Variants in PDE10A observed in about 807,000 individuals in gnomAD.
PDE10A encodes the protein cAMP and cAMP-inhibited cGMP 3',5'-cyclic phosphodiesterase 10A.
In PDE10A, 39 loss-of-function variants were observed where a neutral mutation model predicts 97.7. The observed-to-expected ratio is 0.40, with a 90% CI of 0.31 to 0.52. The LOEUF (loss-of-function observed/expected upper bound fraction) is 0.52. PDE10A is among the 20% of genes least tolerant of loss of function. The pLI, the probability that PDE10A is intolerant of heterozygous loss-of-function variation, is 0.56. For missense variants in PDE10A, 731 were observed against 1,047.8 expected (o/e 0.70, Z 4.17); for synonymous variants, 371 against 376.8 (o/e 0.98, Z 0.18).
Position 165,455,592 on chromosome 6 carries a change from C to T in PDE10A, c.1024-5230G>A, listed in dbSNP as rs535128845. 5.3e-5 allele frequency among the ~76,000 whole-genome samples: 8 copies of T among 152,350 alleles called. No homozygotes were observed. In the South Asian group the frequency reaches 1.7e-3, roughly 32 times the overall value. On this transcript the variant is annotated intron_variant, in intron 3 of 21. Transcript: ENST00000539869. The stretch of plus-strand genomic sequence containing the variant: ...AAAACTACTAACTGCTACTATTAGG[C>T]TTTTACCTGTGGTAGCCACTCCCTG...
intron 2 of PDE10A, 81 bp downstream of exon 2, chr6:165,543,359 C>A: frequency 8.2e-7 from 1 of 1,217,918 alleles, no homozygotes; most frequent in Non-Finnish European, 1.2e-6. Context: ...ATATTTCACA[C>A]TCTAGAATAT....
chr6:165,509,382 A>C (rs1377986173), intron 2 of PDE10A, among the ~76,000 whole-genome samples: 1 of 152,026 alleles, frequency 6.6e-6, no homozygotes, highest in Non-Finnish European at 1.5e-5. Flanking sequence ...GTCGAAAATC[A>C]GTTGGCTATA....
At chr6:165,829,511 C>T (rs979649675) in intron 1 of PDE10A, among the ~76,000 whole-genome samples, 6 of 152,164 alleles carry the variant, frequency 3.9e-5, no homozygotes, top group Non-Finnish European at 5.9e-5. Context: ...TAAGATGAGG[C>T]CCCCATCCTG....
rs575941018 is a variant in PDE10A at position 165,695,352 on chromosome 6, G to A, written c.-614-151784C>T. Among the ~76,000 whole-genome samples, 12 of 152,344 alleles carry A rather than the reference G, an allele frequency of 7.9e-5. No homozygotes were observed. The East Asian group carries it at 2.3e-3, about 29-fold the overall frequency. ...AATCTGGTAGGAATGGTGAGAGTCT[G>A]TGCTATTTGAGCTAAGAATGCACCT... On this transcript the variant is annotated intron_variant, in intron 1 of 19. Coordinates refer to the PDE10A transcript ENST00000366882.
chr6:165,678,215 G>GTC (rs367547581), intron 1 of PDE10A, among the ~76,000 whole-genome samples: 14 of 119,316 alleles, frequency 1.2e-4, no homozygotes, highest in Non-Finnish European at 2.1e-4. Context: ...GTGTCTGTGT[G>GTC]TGTATATGTG....
At chr6:165,549,365 C>A (rs1286162528) in intron 1 of PDE10A, among the ~76,000 whole-genome samples, 1 of 152,162 alleles carries the variant, frequency 6.6e-6, no homozygotes. Flanking sequence ...CTCTGTGTCA[C>A]CCAGGCTGGA....
chr6:165,863,412 T>C (rs1780958942), intron 1 of PDE10A, among the ~76,000 whole-genome samples: 1 of 152,216 alleles, frequency 6.6e-6, no homozygotes, highest in Non-Finnish European at 1.5e-5. Context: ...ATGTCATCAC[T>C]AGAAAGAAGC....
chr6:165,516,433 C>T (rs62443790), intron 2 of PDE10A, among the ~76,000 whole-genome samples: 26,391 of 151,938 alleles, frequency 0.17, 3,215 homozygotes, highest in African/African-American at 0.35. Flanking sequence ...CTCAAAGATA[C>T]GCGCACATCA....
intron 1 of PDE10A, among the ~76,000 whole-genome samples, chr6:165,722,881 T>TACAC (rs139427743): frequency 0.013 from 1,841 of 145,776 alleles, 22 homozygotes; most frequent in Admixed American, 0.029. Context: ...TATATATATA[T>TACAC]ATACACACAC....
At chr6:165,534,309 A>C (rs1198918515) in intron 2 of PDE10A, among the ~76,000 whole-genome samples, 1 of 106,858 alleles carries the variant, frequency 9.4e-6, no homozygotes, top group Non-Finnish European at 2.3e-5. Context: ...AAAGTCTTCC[A>C]TCAAAAAAAA....
chr6:165,429,132 GAGAAAGTT>G (rs770873763), intron 9 of PDE10A, among the ~76,000 whole-genome samples: 2 of 152,020 alleles, frequency 1.3e-5, no homozygotes. Context: ...CTGAAAACTG[GAGAAAGTT>G]AGCATTTAAA....
intron 2 of PDE10A, among the ~76,000 whole-genome samples, chr6:165,492,975 G>A (rs1194985881): frequency 2.0e-5 from 3 of 152,040 alleles, no homozygotes; most frequent in Admixed American, 6.6e-5. Context: ...ACTGGTAAAC[G>A]AATTCAGCAA....
At chr6:165,768,191 C>T (rs1430072722) in intron 1 of PDE10A, among the ~76,000 whole-genome samples, 1 of 152,030 alleles carries the variant, frequency 6.6e-6, no homozygotes, top group South Asian at 2.1e-4. Context: ...TACACTAGAC[C>T]CATATCAGAT....
At chr6:165,566,422 A>G (rs1784782366) in intron 1 of PDE10A, among the ~76,000 whole-genome samples, 1 of 152,218 alleles carries the variant, frequency 6.6e-6, no homozygotes, top group African/African-American at 2.4e-5. Flanking sequence ...TGACAACACC[A>G]AATGCCAGCA....
intron 1 of PDE10A, among the ~76,000 whole-genome samples, chr6:165,884,037 C>G (rs74417658): frequency 0.055 from 8,311 of 152,150 alleles, 244 homozygotes; most frequent in Middle Eastern, 0.12. Context: ...CCTACCACCT[C>G]GAGCACAGAT....
intron 18 of PDE10A, among the ~76,000 whole-genome samples, chr6:165,373,707 G>T (rs936237654): frequency 2.4e-4 from 36 of 151,958 alleles, no homozygotes; most frequent in Middle Eastern, 3.2e-3. Context: ...GAAATACCAT[G>T]TGACCCAGCC....
intron 1 of PDE10A, among the ~76,000 whole-genome samples, chr6:165,807,736 T>C (rs980172910): frequency 1.3e-5 from 2 of 152,114 alleles, no homozygotes; most frequent in East Asian, 1.9e-4. Context: ...GAAATTGGCT[T>C]GCCGGCGGCA....
intron 1 of PDE10A, among the ~76,000 whole-genome samples, chr6:165,924,117 C>G (rs1048135631): frequency 6.6e-6 from 1 of 152,056 alleles, no homozygotes; most frequent in Non-Finnish European, 1.5e-5. Context: ...AAGATCTCCC[C>G]CTGTGGGTAT....
intron 1 of PDE10A, among the ~76,000 whole-genome samples, chr6:165,551,794 C>T (rs1470545667): frequency 1.3e-5 from 2 of 152,162 alleles, no homozygotes; most frequent in East Asian, 1.9e-4. Flanking sequence ...AATCTGACTG[C>T]TAATCTCAGG....
Sources: gnomAD v4.1 joint callset for allele counts (sites outside exome capture counted in the v4.1 genomes callset) on GRCh38, gnomAD v4.1.1 for gene constraint, MANE v1.5 for transcripts, NCBI Gene and HGNC (gene_info 2026-07-23, HGNC 2026-07-21) for gene names.